ARHGAP24: variants seen among roughly 807,000 people sequenced by gnomAD.
ARHGAP24 encodes the protein Rho GTPase activating protein 24, also known as rho GTPase-activating protein 24.
ARHGAP24 carries 50 observed loss-of-function variants against 76.4 expected under a neutral mutation model. That is an observed-to-expected ratio of 0.65 (90% confidence interval 0.52 to 0.83). The LOEUF is 0.83. ARHGAP24 is among the 40% of genes least tolerant of loss of function. The pLI is 0.00. For synonymous variants in ARHGAP24, 345 were observed against 323.3 expected, an observed-to-expected ratio of 1.07 and a Z score of -0.72; for missense variants, 930 against 914.2, an observed-to-expected ratio of 1.02 and a Z score of -0.22.
At chr4:85,922,311 C>A (rs916872239) in intron 3 of ARHGAP24, among the ~76,000 whole-genome samples, 2 of 152,180 alleles carry the variant, frequency 1.3e-5, no homozygotes, top group African/African-American at 2.4e-5. Context: ...ATTCAGAGGT[C>A]ACTAAACTTT....
chr4:85,641,455 G>A (rs1367550890), intron 2 of ARHGAP24, among the ~76,000 whole-genome samples: 1 of 152,174 alleles, frequency 6.6e-6, no homozygotes, highest in Non-Finnish European at 1.5e-5. Context: ...TTTCAGGGTT[G>A]ATTCCTTCTG....
intron 5 of ARHGAP24, 155 bp downstream of exon 5, chr4:85,942,428 T>C: frequency 2.2e-6 from 2 of 896,644 alleles, no homozygotes; most frequent in Non-Finnish European, 3.4e-6. Context: ...TCTATTAAGT[T>C]ACAAAGTCAA....
intron 2 of ARHGAP24, among the ~76,000 whole-genome samples, chr4:85,702,278 C>A (rs6531855): frequency 6.6e-6 from 1 of 152,168 alleles, no homozygotes; most frequent in Non-Finnish European, 1.5e-5. Flanking sequence ...ATACAGAAGC[C>A]AAACAAGTTT....
chr4:85,584,159 A>G (rs933510044), intron 2 of ARHGAP24, among the ~76,000 whole-genome samples: 10 of 152,012 alleles, frequency 6.6e-5, no homozygotes, highest in Admixed American at 2.0e-4. Flanking sequence ...TTATTGTGGC[A>G]CTATTCACAA....
chr4:85,875,560 T>A lies in ARHGAP24; in HGVS notation c.269-48088T>A, dbSNP rs1350728969. ...TATTATTTATATTTTATATTATATT[T>A]TTATATTATATAATATATAATATAT... On this transcript the variant is annotated intron_variant, in intron 3 of 9. Coordinates refer to ENST00000395184, the MANE Select transcript of ARHGAP24 (RefSeq NM_001025616.3). Among the ~76,000 whole-genome samples the A allele has an allele frequency of 4.4e-5, 3 of 68,580 alleles. No individual in the cohort carries two copies. The South Asian group carries it at 1.9e-3, about 43-fold the overall frequency. 45.0% of individuals were successfully genotyped at this position (68,580 alleles called of 152,430 possible).
In ARHGAP24 at chr4:85,598,426, G is replaced by C. The variant is rs541799362; in HGVS notation, c.180+27705G>C. ...TTTCATTTTATTTATGAAAACAAAG[G>C]CTCAAATGGGTAAATTTCTCTTCCC... On this transcript the variant is annotated intron_variant, in intron 2 of 9. Coordinates refer to ENST00000395184, the MANE Select transcript of ARHGAP24 (RefSeq NM_001025616.3). Among the ~76,000 whole-genome samples, 5 of 151,920 alleles carry C rather than the reference G, an allele frequency of 3.3e-5. 1 individual carries two copies. In the South Asian group the frequency reaches 1.0e-3, roughly 32 times the overall value.
intron 1 of ARHGAP24, among the ~76,000 whole-genome samples, chr4:85,491,972 A>G (rs535092176): frequency 2.6e-5 from 4 of 151,916 alleles, no homozygotes; most frequent in East Asian, 3.9e-4. Context: ...TCTTGTTTCT[A>G]TTCTTTCTCT....
intron 3 of ARHGAP24, among the ~76,000 whole-genome samples, chr4:85,919,409 C>G (rs1356660944): frequency 6.6e-6 from 1 of 152,168 alleles, no homozygotes; most frequent in East Asian, 1.9e-4. Context: ...TACAGAGTAT[C>G]TAGTTCATAT....
At chr4:85,718,532 C>T (rs1054993114) in intron 2 of ARHGAP24, among the ~76,000 whole-genome samples, 1 of 152,044 alleles carries the variant, frequency 6.6e-6, no homozygotes, top group Non-Finnish European at 1.5e-5. Context: ...ATAACTATCA[C>T]AATTAAGACA....
chr4:85,580,497 A>G (rs986106894), intron 2 of ARHGAP24, among the ~76,000 whole-genome samples: 1 of 152,056 alleles, frequency 6.6e-6, no homozygotes, highest in Non-Finnish European at 1.5e-5. Context: ...CCCACTTTTC[A>G]TTATTTCACA....
chr4:85,660,263 G>T (rs1722328166), intron 2 of ARHGAP24, among the ~76,000 whole-genome samples: 1 of 152,098 alleles, frequency 6.6e-6, no homozygotes, highest in Admixed American at 6.5e-5. Flanking sequence ...GCTAATGATT[G>T]AATTAATTCT....
intron 2 of ARHGAP24, among the ~76,000 whole-genome samples, chr4:85,670,396 A>C (rs1722780899): frequency 6.6e-6 from 1 of 152,150 alleles, no homozygotes; most frequent in African/African-American, 2.4e-5. Flanking sequence ...AAATAAAGCC[A>C]CTCTTGAATC....
chr4:85,735,692 G>A (rs1725581676), intron 3 of ARHGAP24, among the ~76,000 whole-genome samples: 1 of 152,042 alleles, frequency 6.6e-6, no homozygotes, highest in African/African-American at 2.4e-5. Flanking sequence ...TTGTCCTGGA[G>A]CACTGCAATA....
At chr4:85,779,312 G>A (rs9995525) in intron 3 of ARHGAP24, among the ~76,000 whole-genome samples, 138,301 of 152,176 alleles carry the variant, frequency 0.91, 64,329 homozygotes, top group East Asian at 1. Flanking sequence ...ATTACAAAAT[G>A]TACAGAATGT....
At chr4:85,687,035 C>T (rs1385248867) in intron 2 of ARHGAP24, among the ~76,000 whole-genome samples, 2 of 151,880 alleles carry the variant, frequency 1.3e-5, no homozygotes, top group African/African-American at 4.8e-5. Flanking sequence ...AGAAAACATA[C>T]CTGTATCAAC....
chr4:85,908,905 G>T (rs17011177), intron 3 of ARHGAP24, among the ~76,000 whole-genome samples: 28,563 of 151,942 alleles, frequency 0.19, 2,861 homozygotes, highest in South Asian at 0.3. Context: ...TAGTTTTAAT[G>T]CTCAGGATGT....
At chr4:85,667,395 A>G (rs1202520583) in intron 2 of ARHGAP24, among the ~76,000 whole-genome samples, 3 of 152,076 alleles carry the variant, frequency 2.0e-5, no homozygotes, top group Non-Finnish European at 2.9e-5. Context: ...TCCAGGTGCC[A>G]TCTGTCACCC....
At chr4:85,668,331 A>G (rs565915601) in intron 2 of ARHGAP24, among the ~76,000 whole-genome samples, 2 of 152,232 alleles carry the variant, frequency 1.3e-5, no homozygotes, top group East Asian at 1.9e-4. Flanking sequence ...TCCTTCATCT[A>G]TCTATTCAAC....
Position 85,546,174 on chromosome 4 carries a change from T to TTTAC in ARHGAP24, c.-20-24347_-20-24344dup, listed in dbSNP as rs1411234291. Among the ~76,000 whole-genome samples the TTTAC allele has an allele frequency of 7.9e-5, 12 of 152,246 alleles. No individual in the cohort carries two copies. In the East Asian group the frequency reaches 2.3e-3, roughly 29 times the overall value. ...ATGCATAAGCATATACACACATGAATTTACGTACACACACCACTTGGAACA... is the reference window on the plus strand; with the variant it reads ...ATGCATAAGCATATACACACATGAATTTACTTACGTACACACACCACTTGGAACA... On this transcript the variant is annotated intron_variant, in intron 1 of 9. Coordinates refer to ENST00000395184, the MANE Select transcript of ARHGAP24 (RefSeq NM_001025616.3).
Sources: gnomAD v4.1 joint callset for allele counts (sites outside exome capture counted in the v4.1 genomes callset) on GRCh38, gnomAD v4.1.1 for gene constraint, MANE v1.5 for transcripts, NCBI Gene and HGNC (gene_info 2026-07-23, HGNC 2026-07-21) for gene names.